KNTC1: variants seen among roughly 807,000 people sequenced by gnomAD.
KNTC1 encodes kinetochore-associated protein 1.
Under a neutral mutation model 314.4 loss-of-function variants are expected in KNTC1, and 253 were observed. The ratio of observed to expected loss-of-function variants is 0.80; its 90% CI spans 0.73 to 0.89. The LOEUF is 0.89. KNTC1 is among the 40% of genes least tolerant of loss of function. KNTC1 has a pLI of 0.00. For synonymous variants in KNTC1, 901 were observed against 901.4 expected, an observed-to-expected ratio of 1.00 and a Z score of 0.01; for missense variants, 2,475 against 2,572.9, an observed-to-expected ratio of 0.96 and a Z score of 0.82.
In KNTC1 at chr12:122,551,352, A is replaced by C; in HGVS notation, c.1120A>C (p.Asn374His). The part of the protein sequence containing the change: ...TIYLLEGVCK[N>H]DPKLSEDSVS... ...ATACCTTTTAGAAGGAGTTTGCAAA[A>C]ATGATCCAAAGTAGGTCATGTTTTA... is the stretch of plus-strand genomic sequence containing the variant. The change falls in exon 14 of 64, where the codon AAT becomes CAT. Residue 374 changes from asparagine (N) to histidine (H), a missense_variant. Coordinates refer to ENST00000333479, the MANE Select transcript of KNTC1 (RefSeq NM_014708.6). The C allele has an allele frequency of 6.3e-7, 1 of 1,594,742 alleles. No individual in the cohort carries two copies. The highest frequency in any genetic ancestry group is 8.6e-7 in the Non-Finnish European group (1 of 1,166,254).
chr12:122,610,635 A>G (rs1251801756), intron 52 of KNTC1, among the ~76,000 whole-genome samples, 187 bp from the exon 53 acceptor site: 2 of 152,224 alleles, frequency 1.3e-5, no homozygotes, highest in African/African-American at 2.4e-5. Flanking sequence ...ATCTTTAGCA[A>G]TGAAAGAACT....
chr12:122,589,822 C>T (rs912128787), intron 40 of KNTC1, among the ~76,000 whole-genome samples: 31 of 137,322 alleles, frequency 2.3e-4, no homozygotes, highest in Non-Finnish European at 1.4e-4. Flanking sequence ...CTCGCACTCT[C>T]ATCCAGGCTG....
chr12:122,609,474 A>G (rs1328479990), intron 52 of KNTC1, 44 bp downstream of exon 52: 1 of 1,260,636 alleles, frequency 7.9e-7, no homozygotes, highest in African/African-American at 1.5e-5. Context: ...CGTGATGCAA[A>G]ATAGAAATCT....
chr12:122,589,036 A>G (rs890545833), intron 40 of KNTC1, among the ~76,000 whole-genome samples: 1 of 152,006 alleles, frequency 6.6e-6, no homozygotes, highest in Non-Finnish European at 1.5e-5. Flanking sequence ...CCACTGTCGT[A>G]TCCTGATTTT....
chr12:122,571,947 C>G (rs1350765702), intron 24 of KNTC1, among the ~76,000 whole-genome samples: 1 of 151,992 alleles, frequency 6.6e-6, no homozygotes, highest in African/African-American at 2.4e-5. Context: ...TGCTGGATTA[C>G]AGGCATGAGC....
chr12:122,537,058 C>T (rs986096826), intron 3 of KNTC1, among the ~76,000 whole-genome samples: 11 of 152,126 alleles, frequency 7.2e-5, no homozygotes, highest in African/African-American at 1.4e-4. Context: ...GACATTGTGG[C>T]GGAATAACTT....
intron 1 of KNTC1, chr12:122,527,723 C>G (rs1254210455): frequency 6.6e-6 from 1 of 152,308 alleles, no homozygotes; most frequent in African/African-American, 2.4e-5. Context: ...CTGTCTTCTG[C>G]TTTTGCTTTG....
intron 44 of KNTC1, among the ~76,000 whole-genome samples, chr12:122,601,066 A>T (rs1871815397): frequency 6.6e-6 from 1 of 152,056 alleles, no homozygotes. Flanking sequence ...AGAAAATTGT[A>T]GCTCTTTATT....
chr12:122,546,270 G>A lies in KNTC1; in HGVS notation c.763+1G>A. 1 of 1,517,294 alleles carries A rather than the reference G, an allele frequency of 6.6e-7. No individual in the cohort carries two copies. The highest frequency in any genetic ancestry group is 9.1e-7 in the Non-Finnish European group (1 of 1,094,422). The allele number at this position is 1,517,294 out of a possible 1,614,324, so 94.0% of individuals were successfully genotyped here. A position where few individuals can be genotyped will look rare whatever the true frequency, so the allele number is the denominator to read the frequency against. On this transcript the variant is annotated splice_donor_variant, in intron 9 of 63. Transcript: ENST00000333479. LOFTEE classifies it high-confidence loss of function. ...CTTATTGATGCAGAGATTATTAAAG[G>A]TAAAATAAGTTAATGAAACTACTTT...
chr12:122,609,169 A>G (rs534813070), intron 51 of KNTC1: 49 of 532,916 alleles, frequency 9.2e-5, no homozygotes, highest in Non-Finnish European at 1.5e-4. Flanking sequence ...TGTGTCTATC[A>G]TATAGTAAGT....
At chr12:122,572,875 A>T in intron 24 of KNTC1, 62 bp from the exon 25 acceptor site, 1 of 1,270,702 alleles carries the variant, frequency 7.9e-7, no homozygotes. Flanking sequence ...AATAATTCTG[A>T]TTCTATTTTT....
chr12:122,553,949 T>C (rs868696912), intron 16 of KNTC1, among the ~76,000 whole-genome samples: 4 of 151,692 alleles, frequency 2.6e-5, no homozygotes, highest in Middle Eastern at 3.4e-3. Flanking sequence ...GGGGAAGTAA[T>C]AAGAGAGAAA....
rs755398971 is a variant in KNTC1, at chr12:122,557,420, A to G, written c.1309A>G (p.Lys437Glu). 4.3e-6 allele frequency: 7 copies of G among 1,613,556 alleles called. No individual in the cohort carries two copies. The Admixed American group carries it at 5.0e-5, about 12-fold the overall frequency. ...GGTCAAGTCAAATCATATATTGGAG[A>G]AACTGGCATTGAGTTCTGTGGATGC... is the stretch of plus-strand genomic sequence containing the variant. The part of the protein sequence containing the change: ...YKVKSNHILE[K>E]LALSSVDASE... The change falls in exon 17 of 64, where the codon AAA becomes GAA. Residue 437 changes from lysine to glutamate, a missense_variant. Lys to Glu is a moderately conservative substitution (Grantham distance 56). Coordinates refer to ENST00000333479, the MANE Select transcript of KNTC1 (RefSeq NM_014708.6).
chr12:122,590,321 C>T (rs2138039934), intron 40 of KNTC1, among the ~76,000 whole-genome samples: 1 of 152,190 alleles, frequency 6.6e-6, no homozygotes, highest in East Asian at 1.9e-4. Context: ...CTTGTAGTTG[C>T]TTTCCTTACT....
rs1358072294 is a variant in KNTC1, at chr12:122,576,930, A to G, written c.2622A>G (p.Pro874=). ...GATACATTCTCAAACAAGATGTCCC[A>G]TCTTCTTTAGAAGATGCTTTAAAGG... The part of the protein sequence containing the change: ...VVRYILKQDV[P]SSLEDALKVA... The change falls in exon 30 of 64, where the codon CCA becomes CCG. Residue 874 remains proline, a synonymous_variant. Transcript: ENST00000333479. The G allele has an allele frequency of 2.5e-6, 4 of 1,597,600 alleles. No homozygotes were observed. In the African/African-American group the frequency reaches 5.4e-5, roughly 22 times the overall value.
At chr12:122,613,546 A>T in intron 54 of KNTC1, 80 bp from the exon 55 acceptor site, 1 of 1,354,340 alleles carries the variant, frequency 7.4e-7, no homozygotes, top group Non-Finnish European at 9.8e-7. Flanking sequence ...AACTGGCCTA[A>T]TATTTCCATA....
chr12:122,609,314 C>A, intron 51 of KNTC1, 70 bp from the exon 52 acceptor site: 1 of 881,150 alleles, frequency 1.1e-6, no homozygotes. Context: ...AATAGATTTT[C>A]AGAGAGATGA....
chr12:122,543,113 A>T (rs1357068167), intron 6 of KNTC1, among the ~76,000 whole-genome samples: 1 of 151,956 alleles, frequency 6.6e-6, no homozygotes, highest in East Asian at 1.9e-4. Flanking sequence ...GGGTTTCACC[A>T]TGTTGGCCAG....
chr12:122,571,060 G>T lies in KNTC1; in HGVS notation c.1953G>T (p.Glu651Asp). ...NWPENGLQLAEIFFTAEKTDE... is the reference protein window; with the variant it reads ...NWPENGLQLADIFFTAEKTDE... The stretch of plus-strand genomic sequence containing the variant: ...CAGAAAATGGACTTCAATTGGCAGA[G>T]ATATTTTTTACAGCAGAAAAAACAG... The change falls in exon 24 of 64, where the codon GAG becomes GAT. Residue 651 changes from glutamate to aspartate, a missense_variant. Glu to Asp is a conservative substitution (Grantham distance 45). Transcript: ENST00000333479. 6.2e-7 allele frequency: 1 copy of T among 1,613,706 alleles called. No homozygotes were observed. The highest frequency in any genetic ancestry group is 2.2e-5 in the East Asian group (1 of 44,840).
Sources: allele counts gnomAD v4.1 joint callset (sites outside exome capture counted in the v4.1 genomes callset), GRCh38; gene constraint gnomAD v4.1.1; transcripts MANE v1.5; gene names NCBI Gene and HGNC (gene_info 2026-07-23, HGNC 2026-07-21).